Variants in COMMD10 observed in about 807,000 individuals in gnomAD.
The protein encoded by COMMD10 is COMM domain containing 10.
In COMMD10, 33 loss-of-function variants were observed where a neutral mutation model predicts 28.9. That is an observed-to-expected ratio of 1.14 (90% CI 0.87 to 1.53). The LOEUF is 1.53. Among genes scored for constraint, COMMD10 ranks in the 40% most tolerant of loss-of-function variants. The probability of loss-of-function intolerance (pLI) is 0.00; values close to 1 mark genes in which losing one functional copy is unlikely to be tolerated. For synonymous variants in COMMD10, 110 were observed against 81.7 expected (o/e 1.35, Z -1.87); for missense variants, 310 against 233.4 (o/e 1.33, Z -2.14).
chr5:116,108,286 C>T (rs1481848167), intron 4 of COMMD10, among the ~76,000 whole-genome samples: 1 of 152,242 alleles, frequency 6.6e-6, no homozygotes, highest in Non-Finnish European at 1.5e-5. Flanking sequence ...CCACCCCTTT[C>T]CCCAGGTGCT....
intron 4 of COMMD10, among the ~76,000 whole-genome samples, chr5:116,133,242 C>G (rs1751916930): frequency 6.6e-6 from 1 of 152,112 alleles, no homozygotes; most frequent in South Asian, 2.1e-4. Context: ...AATCTAAAAC[C>G]TTACACTTCT....
At chr5:116,271,096 A>T in intron 5 of COMMD10, among the ~76,000 whole-genome samples, 1 of 151,396 alleles carries the variant, frequency 6.6e-6, no homozygotes, top group Admixed American at 6.6e-5. Flanking sequence ...GGCTTGGGAG[A>T]AAATCTTTCC....
chr5:116,151,326 T>C (rs1336618418), intron 5 of COMMD10, among the ~76,000 whole-genome samples: 3 of 152,076 alleles, frequency 2.0e-5, no homozygotes, highest in African/African-American at 7.3e-5. Context: ...TTCTCTTTTT[T>C]GGTTGTGTCT....
At chr5:116,249,487 G>A (rs1041088259) in intron 5 of COMMD10, among the ~76,000 whole-genome samples, 2 of 151,880 alleles carry the variant, frequency 1.3e-5, no homozygotes, top group Non-Finnish European at 2.9e-5. Flanking sequence ...ATAAGCAATG[G>A]TAATAAAGTA....
intron 4 of COMMD10, among the ~76,000 whole-genome samples, chr5:116,118,049 C>T (rs2112746850): frequency 6.6e-6 from 1 of 152,284 alleles, no homozygotes; most frequent in African/African-American, 2.4e-5. Context: ...CCACAACCTA[C>T]ATTGTTGACC....
chr5:116,168,847 T>C (rs1294747832), intron 5 of COMMD10, among the ~76,000 whole-genome samples: 2 of 152,146 alleles, frequency 1.3e-5, no homozygotes, highest in African/African-American at 4.8e-5. Context: ...GAGGGAAATT[T>C]ATAGCACTAA....
intron 5 of COMMD10, among the ~76,000 whole-genome samples, chr5:116,270,844 C>T (rs758663221): frequency 6.6e-6 from 1 of 151,538 alleles, no homozygotes; most frequent in Non-Finnish European, 1.5e-5. Flanking sequence ...GAGGCTGAGA[C>T]AGGAAAATAA....
chr5:116,258,080 T>C (rs1750340954), intron 5 of COMMD10, among the ~76,000 whole-genome samples: 1 of 151,838 alleles, frequency 6.6e-6, no homozygotes, highest in Non-Finnish European at 1.5e-5. Flanking sequence ...AATATGAGTA[T>C]ATTTGAAGAA....
intron 5 of COMMD10, among the ~76,000 whole-genome samples, chr5:116,172,165 G>A (rs112731665): frequency 0.022 from 3,307 of 152,108 alleles, 120 homozygotes; most frequent in African/African-American, 0.076. Context: ...AGAATGTTAA[G>A]GAAACATCCC....
At chr5:116,120,576 C>T (rs1751397342) in intron 4 of COMMD10, among the ~76,000 whole-genome samples, 1 of 152,054 alleles carries the variant, frequency 6.6e-6, no homozygotes, top group Non-Finnish European at 1.5e-5. Context: ...TTTGCAGTCC[C>T]TTACTGCCCT....
In COMMD10 at chr5:116,140,005, C is replaced by G. The variant is rs546771475; in HGVS notation, c.510+5827C>G. On this transcript the variant is annotated intron_variant, in intron 5 of 6. Coordinates refer to ENST00000274458, the MANE Select transcript of COMMD10 (RefSeq NM_016144.4). Reference sequence around the variant, plus strand: ...CTCCAGACTTATTTATCCTACATAACTGCAAGTTTATATGCTTTAACCTGC... The same window carrying G: ...CTCCAGACTTATTTATCCTACATAAGTGCAAGTTTATATGCTTTAACCTGC... Among the ~76,000 whole-genome samples the G allele has an allele frequency of 7.9e-5, 12 of 151,882 alleles. 1 individual carries two copies. The South Asian group carries it at 2.5e-3, about 31-fold the overall frequency.
chr5:116,178,907 T>C (rs1352233930), intron 5 of COMMD10, among the ~76,000 whole-genome samples: 1 of 152,148 alleles, frequency 6.6e-6, no homozygotes, highest in Non-Finnish European at 1.5e-5. Flanking sequence ...ACCTTAATTA[T>C]TCAATTACAT....
At chr5:116,186,931 C>T (rs1748157039) in intron 5 of COMMD10, among the ~76,000 whole-genome samples, 1 of 152,066 alleles carries the variant, frequency 6.6e-6, no homozygotes, top group Non-Finnish European at 1.5e-5. Context: ...CATTATTGTC[C>T]TCTCCTTTTT....
intron 5 of COMMD10, among the ~76,000 whole-genome samples, chr5:116,237,323 G>A (rs746724196): frequency 3.9e-5 from 6 of 152,172 alleles, no homozygotes; most frequent in Non-Finnish European, 8.8e-5. Flanking sequence ...GTGTGACAGA[G>A]ATGGGAAGTG....
At chr5:116,149,484 T>C (rs561760673) in intron 5 of COMMD10, among the ~76,000 whole-genome samples, 3,774 of 145,702 alleles carry the variant, frequency 0.026, 167 homozygotes, top group African/African-American at 0.093. Context: ...AGTGTAAAAG[T>C]GTTCCTATTT....
chr5:116,170,518 G>A (rs868246037), intron 5 of COMMD10, among the ~76,000 whole-genome samples: 8 of 152,040 alleles, frequency 5.3e-5, no homozygotes, highest in Non-Finnish European at 7.4e-5. Flanking sequence ...AAAAGAACCC[G>A]TATAGCCAAG....
chr5:116,258,651 C>G (rs1249839865), intron 5 of COMMD10, among the ~76,000 whole-genome samples: 3 of 151,698 alleles, frequency 2.0e-5, no homozygotes, highest in Non-Finnish European at 4.4e-5. Flanking sequence ...TCTGATATTG[C>G]TAAAAAGATT....
At position 116,178,430 on chromosome 5, in the gene COMMD10, GAGTTATTATAA is replaced by G. The variant is rs552042208; in HGVS notation, c.510+44258_510+44268del. 2.0e-5 allele frequency among the ~76,000 whole-genome samples: 3 copies of G among 151,942 alleles called. No individual in the cohort carries two copies. The South Asian group carries it at 6.3e-4, about 32-fold the overall frequency. The stretch of plus-strand genomic sequence containing the variant: ...AGTATATGATTACATTACATATTTG[GAGTTATTATAA>G]AGTTACTATCAAATTAACGGATAAT... On this transcript the variant is annotated intron_variant, in intron 5 of 6. Coordinates refer to ENST00000274458, the MANE Select transcript of COMMD10 (RefSeq NM_016144.4).
intron 5 of COMMD10, among the ~76,000 whole-genome samples, chr5:116,221,458 A>T (rs1178582204): frequency 1.3e-5 from 2 of 152,152 alleles, no homozygotes; most frequent in East Asian, 3.9e-4. Context: ...GTTGGTCTTG[A>T]ATCTAAACAC....
Sources: gnomAD v4.1 joint callset for allele counts (sites outside exome capture counted in the v4.1 genomes callset) on GRCh38, gnomAD v4.1.1 for gene constraint, MANE v1.5 for transcripts, NCBI Gene and HGNC (gene_info 2026-07-23, HGNC 2026-07-21) for gene names.